BTD: variants seen among roughly 807,000 people sequenced by gnomAD.
The protein encoded by BTD is biotinidase.
In BTD, 13 loss-of-function variants were observed where a neutral mutation model predicts 17.7. That is an observed-to-expected ratio of 0.74 (90% CI 0.48 to 1.17). The LOEUF is 1.17. Ranked by LOEUF, BTD falls within the 50% of genes most tolerant of loss-of-function variation. The pLI is 0.00. For missense variants in BTD, 674 were observed against 650.4 expected, an observed-to-expected ratio of 1.04 and a Z score of -0.39; for synonymous variants, 240 against 245.2, an observed-to-expected ratio of 0.98 and a Z score of 0.20.
chr3:15,658,076 G>A (rs2065889230), downstream of BTD, among the ~76,000 whole-genome samples: 1 of 151,846 alleles, frequency 6.6e-6, no homozygotes, highest in Admixed American at 6.6e-5. Flanking sequence ...GCTGATGCAG[G>A]AGAATCGCTT....
intron 3 of BTD, chr3:15,694,685 A>C (rs1358394381): frequency 2.7e-6 from 4 of 1,469,902 alleles, no homozygotes; most frequent in Middle Eastern, 1.7e-4. Flanking sequence ...ATAGGTTATT[A>C]GATATTTTCA....
chr3:15,668,755 T>C (rs1295673947), intron 3 of BTD: 2 of 152,610 alleles, frequency 1.3e-5, no homozygotes, highest in African/African-American at 4.8e-5. Flanking sequence ...AATTATCAAA[T>C]AGATCAAAAT....
chr3:15,667,818 A>ATAAG (rs2066059823), intron 3 of BTD: 1 of 152,236 alleles, frequency 6.6e-6, no homozygotes. Context: ...TCATTTACAT[A>ATAAG]TAAGTGATGC....
At chr3:15,698,579 A>T (rs1330875547) in intron 3 of BTD, among the ~76,000 whole-genome samples, 1 of 152,176 alleles carries the variant, frequency 6.6e-6, no homozygotes, top group African/African-American at 2.4e-5. Context: ...AATCACAAAG[A>T]TTCCCATACA....
chr3:15,655,975 G>C (rs914889123), downstream of BTD, among the ~76,000 whole-genome samples: 1 of 151,972 alleles, frequency 6.6e-6, no homozygotes, highest in Non-Finnish European at 1.5e-5. Flanking sequence ...GCTAATTTTT[G>C]TATTTTTAGT....
intron 1 of BTD, among the ~76,000 whole-genome samples, chr3:15,616,089 A>G (rs1159697897): frequency 1.3e-5 from 2 of 152,198 alleles, no homozygotes; most frequent in Non-Finnish European, 2.9e-5. Context: ...TTTGGTAACT[A>G]TGAAAAAAAC....
intron 1 of BTD, among the ~76,000 whole-genome samples, chr3:15,633,907 C>T (rs770904011): frequency 2.6e-5 from 4 of 152,138 alleles, no homozygotes; most frequent in Non-Finnish European, 5.9e-5. Flanking sequence ...ACTTTTGTTT[C>T]TACTCAAAAA....
chr3:15,664,273 G>T (rs941243441), intron 3 of BTD, among the ~76,000 whole-genome samples: 1 of 152,146 alleles, frequency 6.6e-6, no homozygotes, highest in African/African-American at 2.4e-5. Flanking sequence ...CAGTTCTACC[G>T]GTTTTTGCCT....
intron 1 of BTD, among the ~76,000 whole-genome samples, chr3:15,618,670 C>T (rs565702136): frequency 6.0e-4 from 92 of 152,158 alleles, no homozygotes; most frequent in Non-Finnish European, 7.8e-4. Context: ...GGACTACAGA[C>T]GCCTGCCACC....
At chr3:15,713,725 G>A, downstream of BTD, 1 of 825,600 alleles carries the variant, frequency 1.2e-6, no homozygotes, top group Non-Finnish European at 1.9e-6. Context: ...AAAAAATGCT[G>A]TTCACATACA....
exon 4 of BTD, among the ~76,000 whole-genome samples, chr3:15,710,436 C>A (rs1397671726): frequency 6.6e-6 from 1 of 152,148 alleles, no homozygotes; most frequent in African/African-American, 2.4e-5. Flanking sequence ...CTGGAAGGTT[C>A]TCTGGCGACC....
chr3:15,695,473 T>A, intron 3 of BTD, among the ~76,000 whole-genome samples: 1 of 152,156 alleles, frequency 6.6e-6, no homozygotes, highest in Admixed American at 6.6e-5. Context: ...CTATATTAAA[T>A]TGTCAACCTC....
intron 1 of BTD, among the ~76,000 whole-genome samples, chr3:15,613,487 C>T (rs1003490948): frequency 6.6e-6 from 1 of 152,060 alleles, no homozygotes; most frequent in Non-Finnish European, 1.5e-5. Flanking sequence ...TTCTATTCCC[C>T]ACTCCCTTCT....
downstream of BTD, chr3:15,714,669 G>GA: frequency 3.8e-6 from 6 of 1,568,534 alleles, no homozygotes; most frequent in South Asian, 3.6e-5. Flanking sequence ...GGGGGGGGAA[G>GA]AAAAAAATTA....
chr3:15,711,021 T>C (rs1332010682), exon 4 of BTD, among the ~76,000 whole-genome samples: 1 of 152,106 alleles, frequency 6.6e-6, no homozygotes, highest in African/African-American at 2.4e-5. Flanking sequence ...CTCTCACTCA[T>C]AACCTACAAC....
chr3:15,635,160 A>C lies in BTD; in HGVS notation c.-16-264A>C, dbSNP rs2065310895. On this transcript the variant is annotated intron_variant, in intron 1 of 3. Coordinates refer to ENST00000643237, the MANE Select transcript of BTD (RefSeq NM_001370658.1). This position sits in a 1 kb window ranked among gnomAD's most constrained non-coding sequence, Gnocchi z 4.1. ...CTACAGTCTTGCTGAACACTGGGTAAGAAAATCATAGCAAACGTTGAGTCT... is the reference window on the plus strand; with the variant it reads ...CTACAGTCTTGCTGAACACTGGGTACGAAAATCATAGCAAACGTTGAGTCT... 6.6e-6 allele frequency among the ~76,000 whole-genome samples: 1 copy of C among 152,256 alleles called. No individual in the cohort carries two copies. The highest frequency in any genetic ancestry group is 1.5e-5 in the Non-Finnish European group (1 of 68,048).
At chr3:15,701,667 T>C (rs187909189) in intron 3 of BTD, among the ~76,000 whole-genome samples, 2 of 151,644 alleles carry the variant, frequency 1.3e-5, no homozygotes, top group Admixed American at 1.3e-4. Context: ...AATAAATAAA[T>C]AAAATAAAAA....
chr3:15,681,358 T>C (rs552401809), intron 3 of BTD, among the ~76,000 whole-genome samples: 28 of 152,220 alleles, frequency 1.8e-4, no homozygotes, highest in Non-Finnish European at 4.0e-4. Flanking sequence ...GCTGACTGTA[T>C]TGACTGTTCA....
intron 3 of BTD, among the ~76,000 whole-genome samples, chr3:15,706,189 C>T (rs1243544921): frequency 6.6e-6 from 1 of 152,012 alleles, no homozygotes; most frequent in Non-Finnish European, 1.5e-5. Flanking sequence ...GTGCTGCACC[C>T]ATTAACTCGT....
Sources: allele counts gnomAD v4.1 joint callset (sites outside exome capture counted in the v4.1 genomes callset), GRCh38; gene constraint gnomAD v4.1.1; non-coding constraint Gnocchi (gnomAD v3.1); transcripts MANE v1.5; gene names NCBI Gene and HGNC (gene_info 2026-07-23, HGNC 2026-07-21).